The following RNF19B variants were observed in gnomAD, a reference collection of about 807,000 sequenced individuals.
RNF19B encodes E3 ubiquitin-protein ligase RNF19B.
In RNF19B, 23 loss-of-function variants were observed where a neutral mutation model predicts 65.5. The ratio of observed to expected loss-of-function variants is 0.35; its 90% CI spans 0.25 to 0.50. The LOEUF (loss-of-function observed/expected upper bound fraction) is 0.50, where lower values mean the gene tolerates loss of function less well. Ranked by LOEUF, RNF19B falls within the 20% of genes least tolerant of loss-of-function variation. RNF19B has a pLI of 0.98. For synonymous variants in RNF19B, 372 were observed against 379.6 expected, an observed-to-expected ratio of 0.98 and a Z score of 0.23; for missense variants, 794 against 980.0, an observed-to-expected ratio of 0.81 and a Z score of 2.53.
At chr1:32,949,475 T>C in intron 2 of RNF19B, 94 bp downstream of exon 2, 1 of 994,792 alleles carries the variant, frequency 1.0e-6, no homozygotes, top group East Asian at 2.4e-5. Context: ...TCCTTTGGAG[T>C]ACTTGGGTTA....
In RNF19B at chr1:32,944,145, T is replaced by A. The variant is rs1443176592; in HGVS notation, c.1276A>T (p.Ile426Phe). 1.2e-6 allele frequency: 2 copies of A among 1,612,598 alleles called. No homozygotes were observed. The highest frequency in any genetic ancestry group is 4.5e-5 in the East Asian group (2 of 44,856). The part of the protein sequence containing the change: ...AAVSVGIGVP[I>F]MLAYVYGVVP... Reference sequence around the variant, plus strand: ...ACCCCATAAACATATGCCAGCATAATGGGGACACCAATACCTGGGGGAAGA... The same window carrying A: ...ACCCCATAAACATATGCCAGCATAAAGGGGACACCAATACCTGGGGGAAGA... The change falls in exon 6 of 9, where the codon ATT (isoleucine) becomes TTT (phenylalanine). Residue 426 changes from isoleucine to phenylalanine, a missense_variant. This residue lies in a region of RNF19B where 368 missense variants were observed against 447.3 expected (regional missense o/e 0.82). Transcript: ENST00000235150.
At chr1:32,938,648 T>C in intron 7 of RNF19B, 120 bp from the exon 8 acceptor site, 1 of 1,016,512 alleles carries the variant, frequency 9.8e-7, no homozygotes, top group Non-Finnish European at 1.5e-6. Context: ...TCTGATCTTC[T>C]CCAACTGTCA....
downstream of RNF19B, among the ~76,000 whole-genome samples, chr1:32,936,206 T>C (rs928332552): frequency 6.6e-6 from 1 of 152,244 alleles, no homozygotes; most frequent in Non-Finnish European, 1.5e-5. Flanking sequence ...AATCTACTGC[T>C]TCCCTATTCA....
In RNF19B at chr1:32,937,049, A is replaced by C. The variant is rs1313112519; in HGVS notation, c.1953T>G (p.Pro651=). ...CAGGCTGGGCCAGGCTGATGTCCCA[A>C]GGTTTGCTGGCCAGGCAGTCTTTCT... The part of the protein sequence containing the change: ...CEQKDCLASK[P]WDISLAQPES... The change falls in exon 9 of 9, where the codon CCT becomes CCG. Residue 651 remains proline, a synonymous_variant. Coordinates refer to ENST00000235150, the MANE Select transcript of RNF19B (RefSeq NM_001300826.2). 6.2e-6 allele frequency: 10 copies of C among 1,614,026 alleles called. No individual in the cohort carries two copies. The Admixed American group carries it at 1.7e-4, about 27-fold the overall frequency.
At chr1:32,932,356 T>C (rs1461960909), downstream of RNF19B, among the ~76,000 whole-genome samples, 1 of 152,174 alleles carries the variant, frequency 6.6e-6, no homozygotes, top group Non-Finnish European at 1.5e-5. Flanking sequence ...AAGAGAAACC[T>C]AAGGTCTCTA....
chr1:32,932,166 G>A (rs964503049), downstream of RNF19B, among the ~76,000 whole-genome samples: 2 of 152,260 alleles, frequency 1.3e-5, no homozygotes, highest in African/African-American at 4.8e-5. Flanking sequence ...GCCTCCAGGC[G>A]ATTCCCAGAC....
chr1:32,943,053 A>G (rs1236507921), intron 6 of RNF19B, among the ~76,000 whole-genome samples: 1 of 151,710 alleles, frequency 6.6e-6, no homozygotes, highest in South Asian at 2.1e-4. Context: ...AGGCAGGAGA[A>G]TGACGCGAAC....
chr1:32,949,973 T>C (rs948634007), intron 1 of RNF19B, among the ~76,000 whole-genome samples, 199 bp from the exon 2 acceptor site: 14 of 131,490 alleles, frequency 1.1e-4, no homozygotes, highest in Non-Finnish European at 2.4e-4. Flanking sequence ...AAAGTAAACT[T>C]TTTTTTTTTG....
At chr1:32,960,944 T>C (rs1375790410) in intron 1 of RNF19B, among the ~76,000 whole-genome samples, 2 of 151,938 alleles carry the variant, frequency 1.3e-5, no homozygotes, top group African/African-American at 2.4e-5. Context: ...GCCCAGGAGA[T>C]TGAGGCTGCA....
chr1:32,954,697 C>G (rs1159054384), intron 1 of RNF19B, among the ~76,000 whole-genome samples: 1 of 150,020 alleles, frequency 6.7e-6, no homozygotes, highest in African/African-American at 2.4e-5. Context: ...AAGACCACAC[C>G]ACTGCACTCC....
At chr1:32,935,071 T>C (rs142091780), downstream of RNF19B, among the ~76,000 whole-genome samples, 4,672 of 151,654 alleles carry the variant, frequency 0.031, 105 homozygotes, top group Non-Finnish European at 0.048. Flanking sequence ...ACCTCGTGAT[T>C]CACCCGCCTT....
chr1:32,938,989 ATTCT>A (rs559032442), intron 7 of RNF19B, among the ~76,000 whole-genome samples: 107 of 152,214 alleles, frequency 7.0e-4, no homozygotes, highest in Non-Finnish European at 1.2e-3. Flanking sequence ...GTCACTCTGA[ATTCT>A]TTCTTTCTTT....
At chr1:32,957,517 G>C (rs1357584365) in intron 1 of RNF19B, among the ~76,000 whole-genome samples, 1 of 152,122 alleles carries the variant, frequency 6.6e-6, no homozygotes, top group African/African-American at 2.4e-5. Flanking sequence ...CTCACCCAGG[G>C]TTCAACAGTG....
intron 1 of RNF19B, among the ~76,000 whole-genome samples, chr1:32,961,928 C>G (rs1460615931): frequency 6.6e-6 from 1 of 150,942 alleles, no homozygotes; most frequent in African/African-American, 2.4e-5. Context: ...GGAAACATCT[C>G]AGAAAGGAGT....
In RNF19B at chr1:32,962,184, G is replaced by T. The variant is rs543606276; in HGVS notation, c.635+1867C>A. ...GGATACCACTATGTTGGCCAGGCTG[G>T]TCTTGAGCTCCCGACCTCAGGTGAT... is the stretch of plus-strand genomic sequence containing the variant. On this transcript the variant is annotated intron_variant, in intron 1 of 8. Coordinates refer to ENST00000235150, the MANE Select transcript of RNF19B (RefSeq NM_001300826.2). Among the ~76,000 whole-genome samples the T allele has an allele frequency of 1.7e-3, 262 of 152,240 alleles. 1 individual carries two copies. Among genetic ancestry groups the T allele is most frequent in the Middle Eastern group, 6.8e-3 (2 of 294 alleles).
In RNF19B at chr1:32,946,517, T is replaced by C; in HGVS notation, c.1031A>G (p.Lys344Arg). The C allele has an allele frequency of 6.2e-7, 1 of 1,614,200 alleles. No individual in the cohort carries two copies. Among genetic ancestry groups the C allele is most frequent in the Non-Finnish European group, 8.5e-7 (1 of 1,180,024 alleles). The part of the protein sequence containing the change: ...FWGKKPWSRK[K>R]KILWQLGTLI... Reference sequence around the variant, plus strand: ...CGTGCCCAGCTGCCAAAGAATTTTCTTCTTACGGCTCCATGGCTTCTTGCC... The same window carrying C: ...CGTGCCCAGCTGCCAAAGAATTTTCCTCTTACGGCTCCATGGCTTCTTGCC... The change falls in exon 4 of 9, where the codon AAG becomes AGG. Residue 344 changes from lysine (K) to arginine (R), a missense_variant. Physicochemically the swap from Lys to Arg is conservative, Grantham distance 26. Around this residue, in one of 3 missense-constraint regions of RNF19B, gnomAD observed 52 missense variants for 108.8 expected, o/e 0.48. Coordinates refer to ENST00000235150, the MANE Select transcript of RNF19B (RefSeq NM_001300826.2).
chr1:32,951,081 C>T (rs1413552343), intron 1 of RNF19B, among the ~76,000 whole-genome samples: 2 of 152,182 alleles, frequency 1.3e-5, no homozygotes, highest in Admixed American at 1.3e-4. Context: ...TTATGATCCG[C>T]CCTCCTCGGC....
At chr1:32,949,242 T>G (rs1361986117) in intron 2 of RNF19B, among the ~76,000 whole-genome samples, 1 of 152,226 alleles carries the variant, frequency 6.6e-6, no homozygotes, top group Non-Finnish European at 1.5e-5. Flanking sequence ...TAATTAAATG[T>G]CTTTCTGTTC....
chr1:32,937,573 G>A (rs143708260), intron 8 of RNF19B, among the ~76,000 whole-genome samples: 33 of 152,158 alleles, frequency 2.2e-4, no homozygotes, highest in Non-Finnish European at 4.0e-4. Flanking sequence ...GCTGGGCATG[G>A]AGGCACGTGC....
Sources: allele counts gnomAD v4.1 joint callset (sites outside exome capture counted in the v4.1 genomes callset), GRCh38; gene constraint gnomAD v4.1.1; regional missense constraint gnomAD v4.1.1; transcripts MANE v1.5; gene names NCBI Gene and HGNC (gene_info 2026-07-23, HGNC 2026-07-21).